SLC35F3: variants seen among roughly 807,000 people sequenced by gnomAD.
The protein encoded by SLC35F3 is solute carrier family 35 member F3.
In SLC35F3, 25 loss-of-function variants were observed where a neutral mutation model predicts 49.9. The observed-to-expected ratio is 0.50, with a 90% CI of 0.37 to 0.70. The LOEUF (loss-of-function observed/expected upper bound fraction) is 0.70. Among genes scored for constraint, SLC35F3 ranks in the 30% least tolerant of loss-of-function variants. The pLI, the probability that SLC35F3 is intolerant of heterozygous loss-of-function variation, is 0.00. For synonymous variants in SLC35F3, 275 were observed against 265.4 expected (o/e 1.04, Z -0.35); for missense variants, 525 against 639.8 (o/e 0.82, Z 1.94).
chr1:234,190,668 A>G (rs1416515224), intron 2 of SLC35F3, among the ~76,000 whole-genome samples: 1 of 152,248 alleles, frequency 6.6e-6, no homozygotes, highest in African/African-American at 2.4e-5. Flanking sequence ...CAAGACAGAA[A>G]GTCAACAAAG....
chr1:234,237,708 C>T (rs1435155288), intron 3 of SLC35F3, among the ~76,000 whole-genome samples: 1 of 152,166 alleles, frequency 6.6e-6, no homozygotes, highest in Non-Finnish European at 1.5e-5. Flanking sequence ...GTGCTTCATT[C>T]GTTCCACAAA....
At chr1:233,960,780 A>G (rs1452877794) in intron 2 of SLC35F3, among the ~76,000 whole-genome samples, 1 of 152,180 alleles carries the variant, frequency 6.6e-6, no homozygotes, top group African/African-American at 2.4e-5. Flanking sequence ...AGGACCAGTG[A>G]ATGAGGCATG....
intron 3 of SLC35F3, among the ~76,000 whole-genome samples, chr1:234,241,315 G>A (rs1382880918): frequency 1.3e-5 from 2 of 152,168 alleles, no homozygotes; most frequent in East Asian, 1.9e-4. Flanking sequence ...ATGAGACCAC[G>A]TGTGGAGGGA....
At position 234,053,897 on chromosome 1, in the gene SLC35F3, A is replaced by T. The variant is rs796305000; in HGVS notation, c.283+148139A>T. 6.6e-5 allele frequency among the ~76,000 whole-genome samples: 10 copies of T among 152,320 alleles called. No homozygotes were observed. The South Asian group carries it at 2.1e-3, about 32-fold the overall frequency. ...AAAGGATTTTATTTCTCCTTCAATT[A>T]TGAAGCTTAGTTTGGCTTGATATGA... On this transcript the variant is annotated intron_variant, in intron 2 of 7. Transcript: ENST00000366618.
At chr1:234,030,562 G>A (rs1034323272) in intron 2 of SLC35F3, among the ~76,000 whole-genome samples, 7 of 152,108 alleles carry the variant, frequency 4.6e-5, no homozygotes, top group Non-Finnish European at 8.8e-5. Context: ...GTTATAAAGC[G>A]TTAACTCCTC....
intron 2 of SLC35F3, among the ~76,000 whole-genome samples, chr1:234,122,635 ACAGGCCTCAGTATGTGTTGTTC>A (rs1182332132): frequency 1.3e-4 from 20 of 152,220 alleles, no homozygotes; most frequent in African/African-American, 4.1e-4. Context: ...CCATGGCCCA[ACAGGCCTCAGTATGTGTTGTTC>A]CCCTCTCTGT....
In SLC35F3 at chr1:234,320,399, CA is replaced by C. The variant is rs1553264750; in HGVS notation, c.1237+221del. 4.7e-5 allele frequency among the ~76,000 whole-genome samples: 7 copies of C among 147,974 alleles called. No homozygotes were observed. Among genetic ancestry groups the C allele is most frequent in the South Asian group, 4.3e-4 (2 of 4,652 alleles). On this transcript the variant is annotated intron_variant, in intron 7 of 7. Transcript: ENST00000366618. The surrounding 1 kb of genome is among the most constrained non-coding windows in gnomAD (Gnocchi z 4.8). ...ATAGAATGCGTGTTTAACTGTCTGC[CA>C]AAAAAAAAGCATTTAGGTGAAATGT... is the stretch of plus-strand genomic sequence containing the variant.
rs1667093501 is a variant in SLC35F3, at chr1:234,214,621, G to A, written c.284-16796G>A. On this transcript the variant is annotated intron_variant, in intron 2 of 7. Transcript: ENST00000366618. This position sits in a 1 kb window ranked among gnomAD's most constrained non-coding sequence, Gnocchi z 8.0. ...CCGGGGGTCCCTGCACCCTAGCCGG[G>A]GAATGCTGCCACCCTGAGGGGGGCT... is the stretch of plus-strand genomic sequence containing the variant. 2 of 1,507,434 alleles carry A rather than the reference G, an allele frequency of 1.3e-6. No homozygotes were observed. The highest frequency in any genetic ancestry group is 1.8e-6 in the Non-Finnish European group (2 of 1,127,132). The allele number at this position is 1,507,434 out of a possible 1,614,324, so 93.4% of individuals were successfully genotyped here. A position where few individuals can be genotyped will look rare whatever the true frequency, so the allele number is the denominator to read the frequency against.
intron 2 of SLC35F3, among the ~76,000 whole-genome samples, chr1:234,111,967 G>C (rs941468537): frequency 3.9e-5 from 6 of 152,114 alleles, no homozygotes; most frequent in Admixed American, 3.9e-4. Context: ...CCTCCGAGTG[G>C]AGCAGCCTGA....
At chr1:234,266,873 G>GTTTTTTTTTTTT (rs34040004) in intron 3 of SLC35F3, among the ~76,000 whole-genome samples, 7 of 108,642 alleles carry the variant, frequency 6.4e-5, no homozygotes, top group East Asian at 2.8e-4. Flanking sequence ...GAAGCACATG[G>GTTTTTTTTTTTT]TTTTTTTTTT....
At chr1:234,316,234 G>T (rs1657487372) in intron 4 of SLC35F3, among the ~76,000 whole-genome samples, 1 of 152,162 alleles carries the variant, frequency 6.6e-6, no homozygotes, top group Non-Finnish European at 1.5e-5. Flanking sequence ...CATCTCCAGG[G>T]GCTTCCCAGG....
At position 234,231,510 on chromosome 1, in the gene SLC35F3, C is replaced by T. The variant is rs1225337040; in HGVS notation, c.377C>T (p.Thr126Met). ...AGGRASRRCWTCSRAQLKKIF... is the reference protein window; with the variant it reads ...AGGRASRRCWMCSRAQLKKIF... ...GGGAGAGCGAGTCGCCGCTGCTGGA[C>T]GTGCTCCCGGGCGCAACTCAAGAAG... The change falls in exon 3 of 8, where the codon ACG becomes ATG. Residue 126 changes from threonine (T) to methionine (M), a missense_variant. Around this residue, in one of 4 missense-constraint regions of SLC35F3, gnomAD observed 228 missense variants for 218.9 expected, o/e 1.04. Transcript: ENST00000366618. This position sits in a 1 kb window ranked among gnomAD's most constrained non-coding sequence, Gnocchi z 5.4. The T allele has an allele frequency of 6.2e-7, 1 of 1,613,724 alleles. No individual in the cohort carries two copies.
intron 7 of SLC35F3, among the ~76,000 whole-genome samples, chr1:234,322,017 CA>C (rs1657633201): frequency 5.4e-5 from 8 of 148,050 alleles, no homozygotes; most frequent in African/African-American, 2.1e-4. Context: ...CCCATCTCTA[CA>C]AAAATAATAA....
intron 2 of SLC35F3, among the ~76,000 whole-genome samples, chr1:234,103,284 G>A (rs1459896337): frequency 6.6e-6 from 1 of 151,890 alleles, no homozygotes; most frequent in African/African-American, 2.4e-5. Context: ...TGTTGCCTTG[G>A]CAATTTCATT....
intron 3 of SLC35F3, among the ~76,000 whole-genome samples, chr1:234,305,337 C>G (rs1439625034): frequency 6.7e-6 from 1 of 149,492 alleles, no homozygotes; most frequent in Non-Finnish European, 1.5e-5. Context: ...TACCATGTTT[C>G]TTTGAATAAT....
chr1:234,063,725 A>G (rs1345606190), intron 2 of SLC35F3, among the ~76,000 whole-genome samples: 2 of 152,120 alleles, frequency 1.3e-5, no homozygotes, highest in African/African-American at 4.8e-5. Flanking sequence ...AGCTTTTAAT[A>G]TTTAACTTAA....
intron 2 of SLC35F3, among the ~76,000 whole-genome samples, chr1:233,927,214 C>A (rs887061472): frequency 1.3e-5 from 2 of 152,138 alleles, no homozygotes; most frequent in Admixed American, 6.5e-5. Context: ...TATAAACAAA[C>A]AATCATGTGT....
intron 2 of SLC35F3, among the ~76,000 whole-genome samples, chr1:233,926,395 A>G (rs957921342): frequency 6.6e-6 from 1 of 152,150 alleles, no homozygotes; most frequent in Non-Finnish European, 1.5e-5. Flanking sequence ...ATTTTCAATC[A>G]CTGATACCTT....
chr1:234,144,428 G>T (rs1486293484), intron 2 of SLC35F3, among the ~76,000 whole-genome samples: 1 of 152,108 alleles, frequency 6.6e-6, no homozygotes, highest in African/African-American at 2.4e-5. Flanking sequence ...ATGGAATGGT[G>T]GTTCCATTTG....
Sources: gnomAD v4.1 joint callset for allele counts (sites outside exome capture counted in the v4.1 genomes callset) on GRCh38, gnomAD v4.1.1 for gene constraint, gnomAD v4.1.1 regional missense constraint, Gnocchi (gnomAD v3.1) non-coding constraint, MANE v1.5 for transcripts, NCBI Gene and HGNC (gene_info 2026-07-23, HGNC 2026-07-21) for gene names.